POFUT3: variants seen among roughly 807,000 people sequenced by gnomAD.
POFUT3 encodes protein O-fucosyltransferase 3, also known as GDP-fucose protein O-fucosyltransferase 3.
chr8:33,324,161 G>A, the POFUT3 span, among the ~76,000 whole-genome samples: 1 of 152,178 alleles, frequency 6.6e-6, no homozygotes, highest in African/African-American at 2.4e-5. Flanking sequence ...CCATGTGAAA[G>A]GTTGCATGAA....
the POFUT3 span, among the ~76,000 whole-genome samples, chr8:33,358,504 T>C: frequency 6.6e-6 from 1 of 152,192 alleles, no homozygotes; most frequent in Admixed American, 6.5e-5. Context: ...TAAATAATAG[T>C]ATTGTATCAG....
chr8:33,456,187 A>G, the POFUT3 span, among the ~76,000 whole-genome samples: 2 of 152,170 alleles, frequency 1.3e-5, no homozygotes, highest in Admixed American at 1.3e-4. Flanking sequence ...ACAACCAGTC[A>G]CTTAAAAGAA....
chr8:33,338,557 C>T, the POFUT3 span, among the ~76,000 whole-genome samples: 1 of 152,152 alleles, frequency 6.6e-6, no homozygotes, highest in Non-Finnish European at 1.5e-5. Flanking sequence ...AAATGAAACA[C>T]CCTTTCTCCT....
At chr8:33,452,352 A>G in the POFUT3 span, 2 of 152,120 alleles carry the variant, frequency 1.3e-5, no homozygotes, top group African/African-American at 4.8e-5. Context: ...ATTCCACTGA[A>G]TTTCTATATT....
the POFUT3 span, among the ~76,000 whole-genome samples, chr8:33,342,710 G>T: frequency 6.6e-6 from 1 of 152,176 alleles, no homozygotes; most frequent in Non-Finnish European, 1.5e-5. Context: ...AACATTGTTA[G>T]TAGGAATGTT....
the POFUT3 span, among the ~76,000 whole-genome samples, chr8:33,375,798 C>T: frequency 6.6e-6 from 1 of 152,016 alleles, no homozygotes; most frequent in Non-Finnish European, 1.5e-5. Context: ...AGGTGGATCA[C>T]CTGAGGTCAG....
At chr8:33,398,590 A>G in the POFUT3 span, among the ~76,000 whole-genome samples, 2 of 152,220 alleles carry the variant, frequency 1.3e-5, no homozygotes, top group African/African-American at 2.4e-5. Context: ...CCCAGGGAGA[A>G]GAGCAGAAAA....
the POFUT3 span, among the ~76,000 whole-genome samples, chr8:33,419,594 G>A: frequency 6.6e-6 from 1 of 152,098 alleles, no homozygotes; most frequent in Non-Finnish European, 1.5e-5. Flanking sequence ...CCCTGACGTT[G>A]GGAACCCGTC....
At chr8:33,359,500 T>C in the POFUT3 span, among the ~76,000 whole-genome samples, 1 of 152,122 alleles carries the variant, frequency 6.6e-6, no homozygotes, top group Non-Finnish European at 1.5e-5. Flanking sequence ...TAAATCACCA[T>C]ATGTAAAGGG....
At chr8:33,436,405 T>C in the POFUT3 span, 2 of 1,424,636 alleles carry the variant, frequency 1.4e-6, no homozygotes, top group Non-Finnish European at 2.0e-6. Flanking sequence ...ACCATACTCC[T>C]CAAACTTGGC....
chr8:33,384,228 A>C, the POFUT3 span, among the ~76,000 whole-genome samples: 4 of 152,256 alleles, frequency 2.6e-5, no homozygotes, highest in South Asian at 6.2e-4. Flanking sequence ...TGTAGGAATG[A>C]TGGAGGCTAT....
chr8:33,378,357 C>A, the POFUT3 span, among the ~76,000 whole-genome samples: 231 of 152,264 alleles, frequency 1.5e-3, no homozygotes, highest in African/African-American at 5.3e-3. Flanking sequence ...TCCTCTTTCT[C>A]ATGGTTGGGT....
chr8:33,400,259 C>T, the POFUT3 span, among the ~76,000 whole-genome samples: 1 of 151,580 alleles, frequency 6.6e-6, no homozygotes, highest in African/African-American at 2.4e-5. Context: ...CGAGACCAGC[C>T]TGGCCAAGAT....
At chr8:33,412,658 C>T in the POFUT3 span, among the ~76,000 whole-genome samples, 1 of 152,154 alleles carries the variant, frequency 6.6e-6, no homozygotes, top group South Asian at 2.1e-4. Flanking sequence ...GACAGAGTCT[C>T]ACTCTGTTGC....
chr8:33,400,715 G>A, the POFUT3 span, among the ~76,000 whole-genome samples: 1 of 152,072 alleles, frequency 6.6e-6, no homozygotes, highest in Non-Finnish European at 1.5e-5. Context: ...ATTGGTTTAA[G>A]TATCAAAACT....
At chr8:33,431,889 G>A in the POFUT3 span, among the ~76,000 whole-genome samples, 1 of 152,176 alleles carries the variant, frequency 6.6e-6, no homozygotes, top group Admixed American at 6.6e-5. Flanking sequence ...AATATTAGCA[G>A]TGGAAACCAC....
the POFUT3 span, chr8:33,388,801 C>A: frequency 1.6e-6 from 1 of 641,050 alleles, no homozygotes; most frequent in Non-Finnish European, 2.8e-6. Flanking sequence ...ACGACAGTCC[C>A]AAAAGGTAGT....
chr8:33,448,380 G>T, the POFUT3 span, among the ~76,000 whole-genome samples: 1 of 152,114 alleles, frequency 6.6e-6, no homozygotes, highest in Non-Finnish European at 1.5e-5. Context: ...AGGATGGAGT[G>T]AGCTATGATC....
chr8:33,436,697 C>G, the POFUT3 span: 1 of 770,664 alleles, frequency 1.3e-6, no homozygotes, highest in Non-Finnish European at 2.2e-6. Flanking sequence ...AACAGCTTCA[C>G]CATCCTGACC....
Sources: allele counts gnomAD v4.1 joint callset (sites outside exome capture counted in the v4.1 genomes callset), GRCh38; gene constraint gnomAD v4.1.1; transcripts MANE v1.5; gene names NCBI Gene and HGNC (gene_info 2026-07-23, HGNC 2026-07-21).